RPS6KC1: variants seen among roughly 807,000 people sequenced by gnomAD.
RPS6KC1 encodes inactive ribosomal protein S6 kinase delta-1.
A neutral mutation model predicts 103.8 loss-of-function variants in RPS6KC1; 54 were observed. That is an observed-to-expected ratio of 0.52 (90% CI 0.42 to 0.65). The LOEUF is 0.65. RPS6KC1 is among the 30% of genes least tolerant of loss of function. The probability of loss-of-function intolerance (pLI) is 0.00; values close to 1 mark genes in which losing one functional copy is unlikely to be tolerated. For synonymous variants in RPS6KC1, 439 were observed against 438.7 expected, an observed-to-expected ratio of 1.00 and a Z score of -0.01; for missense variants, 1,151 against 1,253.8, an observed-to-expected ratio of 0.92 and a Z score of 1.24.
chr1:213,806,151 T>C, the RPS6KC1 span, among the ~76,000 whole-genome samples: 2 of 151,988 alleles, frequency 1.3e-5, no homozygotes, highest in African/African-American at 2.4e-5. Flanking sequence ...GCTAACACGG[T>C]GAAACCCTGT....
the RPS6KC1 span, among the ~76,000 whole-genome samples, chr1:213,609,611 G>A: frequency 0.014 from 2,186 of 152,026 alleles, 51 homozygotes; most frequent in African/African-American, 0.05. Context: ...CCAGGTGCTG[G>A]GGGCTAGAGT....
chr1:213,731,798 A>G, the RPS6KC1 span, among the ~76,000 whole-genome samples: 5 of 152,320 alleles, frequency 3.3e-5, no homozygotes, highest in South Asian at 2.1e-4. Context: ...TAATGACAAT[A>G]TGGAAATAGC....
the RPS6KC1 span, among the ~76,000 whole-genome samples, chr1:213,634,972 C>T: frequency 1.3e-5 from 2 of 152,174 alleles, no homozygotes; most frequent in East Asian, 1.9e-4. Context: ...TACAAACTAC[C>T]ATCAGAGAAT....
chr1:213,357,323 C>T, the RPS6KC1 span, among the ~76,000 whole-genome samples: 1 of 152,086 alleles, frequency 6.6e-6, no homozygotes, highest in African/African-American at 2.4e-5. Flanking sequence ...CCCTGTCCTG[C>T]CAGCTTTTCT....
intron 1 of RPS6KC1, among the ~76,000 whole-genome samples, chr1:213,058,372 G>A (rs2077530706): frequency 6.7e-6 from 1 of 150,102 alleles, no homozygotes; most frequent in African/African-American, 2.4e-5. Context: ...TTTTCCCAAT[G>A]TTTTCTTCTA....
the RPS6KC1 span, among the ~76,000 whole-genome samples, chr1:213,759,342 G>A: frequency 6.6e-6 from 1 of 152,268 alleles, no homozygotes; most frequent in Admixed American, 6.5e-5. Flanking sequence ...ATATGCACTG[G>A]AAAATCAAAA....
the RPS6KC1 span, among the ~76,000 whole-genome samples, chr1:213,441,973 T>C: frequency 3.3e-5 from 5 of 152,234 alleles, no homozygotes; most frequent in Non-Finnish European, 5.9e-5. Context: ...TATACAGTTA[T>C]AAACTTTCAA....
intron 10 of RPS6KC1, among the ~76,000 whole-genome samples, chr1:213,239,281 T>A (rs1295030371): frequency 6.6e-6 from 1 of 151,748 alleles, no homozygotes; most frequent in African/African-American, 2.4e-5. Flanking sequence ...GAGGCTTCAG[T>A]GAGCTGAGAT....
chr1:213,361,177 A>C, the RPS6KC1 span, among the ~76,000 whole-genome samples: 2 of 152,222 alleles, frequency 1.3e-5, no homozygotes, highest in African/African-American at 4.8e-5. Context: ...AGAGGTAGGC[A>C]GGCCTCCTTG....
chr1:213,428,480 C>CCTTCCTTCCTTCCCT, the RPS6KC1 span, among the ~76,000 whole-genome samples: 1 of 28,474 alleles, frequency 3.5e-5, no homozygotes, highest in Non-Finnish European at 6.1e-5. Flanking sequence ...CTCCCTCCCT[C>CCTTCCTTCCTTCCCT]CCTTCCTTCC....
the RPS6KC1 span, among the ~76,000 whole-genome samples, chr1:213,507,549 A>T: frequency 1.4e-5 from 2 of 142,774 alleles, no homozygotes; most frequent in Non-Finnish European, 3.1e-5. Context: ...CAACCCTCTC[A>T]TTTTTTTTTT....
chr1:213,089,314 G>A (rs868015148), intron 3 of RPS6KC1, among the ~76,000 whole-genome samples: 3 of 152,168 alleles, frequency 2.0e-5, no homozygotes, highest in Middle Eastern at 6.8e-3. Flanking sequence ...ATTCCATGGT[G>A]CTTCACATTT....
the RPS6KC1 span, among the ~76,000 whole-genome samples, chr1:213,644,484 GT>G: frequency 6.6e-6 from 1 of 152,058 alleles, no homozygotes; most frequent in South Asian, 2.1e-4. Context: ...ATCATACAGG[GT>G]AGTTTCACTG....
the RPS6KC1 span, among the ~76,000 whole-genome samples, chr1:213,724,508 C>A: frequency 6.6e-6 from 1 of 152,216 alleles, no homozygotes; most frequent in African/African-American, 2.4e-5. Flanking sequence ...AAGACCGTGG[C>A]TGGCTGGCAG....
intron 14 of RPS6KC1, among the ~76,000 whole-genome samples, chr1:213,271,412 C>G (rs2095044085): frequency 6.6e-6 from 1 of 151,976 alleles, no homozygotes; most frequent in South Asian, 2.1e-4. Flanking sequence ...TTGCCGAGGG[C>G]TGGGGATGGG....
intron 6 of RPS6KC1, among the ~76,000 whole-genome samples, chr1:213,145,492 G>T (rs1158847772): frequency 6.6e-6 from 1 of 152,100 alleles, no homozygotes; most frequent in Admixed American, 6.6e-5. Flanking sequence ...GTACTCATTA[G>T]TGTATGCTGT....
chr1:213,195,454 GGTCT>G (rs1434634497), intron 8 of RPS6KC1, among the ~76,000 whole-genome samples: 1 of 152,082 alleles, frequency 6.6e-6, no homozygotes, highest in African/African-American at 2.4e-5. Flanking sequence ...CGTGTTTATT[GGTCT>G]GTCTTTTAAA....
At chr1:213,293,005 T>A in the RPS6KC1 span, among the ~76,000 whole-genome samples, 3 of 152,242 alleles carry the variant, frequency 2.0e-5, no homozygotes, top group Non-Finnish European at 4.4e-5. Context: ...TTAGAATTTC[T>A]AATTCCACCA....
chr1:213,602,028 C>CTTTCTCTTTCTTTCTTTCTT, the RPS6KC1 span, among the ~76,000 whole-genome samples: 4 of 11,874 alleles, frequency 3.4e-4, no homozygotes, highest in African/African-American at 8.2e-4. Context: ...TTCTTTCTTT[C>CTTTCTCTTTCTTTCTTTCTT]TCTTTCTCTT....
Sources: allele counts gnomAD v4.1 joint callset (sites outside exome capture counted in the v4.1 genomes callset), GRCh38; gene constraint gnomAD v4.1.1; transcripts MANE v1.5; gene names NCBI Gene and HGNC (gene_info 2026-07-23, HGNC 2026-07-21).